Variants in TMEM217B observed in about 807,000 individuals in gnomAD.
TMEM217B encodes transmembrane protein 217B.
At chr6:37,227,715 C>T in the TMEM217B span, among the ~76,000 whole-genome samples, 2 of 152,070 alleles carry the variant, frequency 1.3e-5, no homozygotes, top group Admixed American at 1.3e-4. Flanking sequence ...AAGTGCTGTG[C>T]TGGGATTACA....
the TMEM217B span, chr6:37,215,122 A>T: frequency 2.5e-6 from 4 of 1,577,408 alleles, no homozygotes; most frequent in Non-Finnish European, 3.5e-6. Context: ...CTCTTGGGTC[A>T]CTATAATAAT....
the TMEM217B span, among the ~76,000 whole-genome samples, chr6:37,255,601 T>C: frequency 7.1e-4 from 108 of 152,124 alleles, no homozygotes; most frequent in African/African-American, 2.3e-3. Flanking sequence ...GGAGGATTGC[T>C]TGAGCCCAGG....
chr6:37,246,622 G>T, the TMEM217B span, among the ~76,000 whole-genome samples: 276 of 152,194 alleles, frequency 1.8e-3, no homozygotes, highest in African/African-American at 5.4e-3. Flanking sequence ...CATTTCTCAG[G>T]CTGGGCATGG....
chr6:37,251,425 T>A, the TMEM217B span, among the ~76,000 whole-genome samples: 1 of 152,224 alleles, frequency 6.6e-6, no homozygotes, highest in Non-Finnish European at 1.5e-5. Flanking sequence ...GAATGTTGAA[T>A]GAGCAATGCT....
chr6:37,226,997 A>G, the TMEM217B span, among the ~76,000 whole-genome samples: 4 of 152,244 alleles, frequency 2.6e-5, no homozygotes, highest in African/African-American at 9.6e-5. Flanking sequence ...ATAGCTACCA[A>G]TAAGGTTATT....
At chr6:37,245,376 T>G in the TMEM217B span, among the ~76,000 whole-genome samples, 4 of 152,370 alleles carry the variant, frequency 2.6e-5, no homozygotes, top group South Asian at 8.3e-4. Flanking sequence ...AACTGGGGGT[T>G]GCTGCCATGC....
At chr6:37,249,608 AC>A in the TMEM217B span, among the ~76,000 whole-genome samples, 17 of 152,326 alleles carry the variant, frequency 1.1e-4, no homozygotes, top group South Asian at 3.5e-3. Context: ...GGTGTAAGCC[AC>A]CGCACCCAGT....
chr6:37,228,531 CTG>C, the TMEM217B span, among the ~76,000 whole-genome samples: 1 of 152,210 alleles, frequency 6.6e-6, no homozygotes, highest in Non-Finnish European at 1.5e-5. Flanking sequence ...TGGTGAAACC[CTG>C]TTTCTACTAA....
chr6:37,217,149 C>T, the TMEM217B span, among the ~76,000 whole-genome samples: 1 of 152,164 alleles, frequency 6.6e-6, no homozygotes, highest in Non-Finnish European at 1.5e-5. Context: ...CAAAAATTAG[C>T]CAGGCATGGT....
chr6:37,215,994 G>GGT, the TMEM217B span, among the ~76,000 whole-genome samples: 2,335 of 149,138 alleles, frequency 0.016, 24 homozygotes, highest in African/African-American at 0.023. Flanking sequence ...GGTTCTTCAG[G>GGT]GTGTGTGTGT....
chr6:37,215,154 G>A, the TMEM217B span: 25 of 1,602,034 alleles, frequency 1.6e-5, no homozygotes, highest in South Asian at 5.6e-5. Context: ...CCTTTCTGCC[G>A]CTAGCCAAGG....
At chr6:37,242,033 C>A in the TMEM217B span, among the ~76,000 whole-genome samples, 1 of 139,450 alleles carries the variant, frequency 7.2e-6, no homozygotes, top group African/African-American at 2.7e-5. Context: ...TTTTTGCCTG[C>A]TCTTTCCCTG....
At chr6:37,224,577 GACAGAGC>G in the TMEM217B span, among the ~76,000 whole-genome samples, 1 of 150,886 alleles carries the variant, frequency 6.6e-6, no homozygotes, top group East Asian at 2.0e-4. Flanking sequence ...CAGGCTGGGT[GACAGAGC>G]GAGACTCCTC....
chr6:37,257,805 G>A, the TMEM217B span: 20 of 1,179,902 alleles, frequency 1.7e-5, no homozygotes, highest in Non-Finnish European at 2.4e-5. Flanking sequence ...AGCTGGGAGC[G>A]GGTGACCGGC....
At chr6:37,232,403 T>C in the TMEM217B span, among the ~76,000 whole-genome samples, 2 of 152,240 alleles carry the variant, frequency 1.3e-5, no homozygotes, top group Admixed American at 1.3e-4. Flanking sequence ...TTCTTTTTTT[T>C]GAGACGGAGT....
the TMEM217B span, among the ~76,000 whole-genome samples, chr6:37,231,671 C>CAA: frequency 1.5e-3 from 91 of 60,366 alleles, no homozygotes; most frequent in African/African-American, 5.5e-3. Flanking sequence ...GACTCCATCT[C>CAA]AAAAAAAAAA....
At chr6:37,251,635 A>G in the TMEM217B span, among the ~76,000 whole-genome samples, 1 of 152,246 alleles carries the variant, frequency 6.6e-6, no homozygotes, top group Non-Finnish European at 1.5e-5. Flanking sequence ...GGATACACAC[A>G]TATGTAATAA....
the TMEM217B span, chr6:37,218,008 TCTC>T: frequency 1.0e-6 from 1 of 990,912 alleles, no homozygotes; most frequent in South Asian, 4.6e-5. Flanking sequence ...CTCTTCATGT[TCTC>T]CTGAAAGAGT....
the TMEM217B span, among the ~76,000 whole-genome samples, chr6:37,249,302 ATTCTTC>A: frequency 9.9e-5 from 15 of 151,792 alleles, no homozygotes; most frequent in South Asian, 4.2e-4. Context: ...ATTTCTTTTC[ATTCTTC>A]TTCTTCTTCT....
Sources: gnomAD v4.1 joint callset for allele counts (sites outside exome capture counted in the v4.1 genomes callset) on GRCh38, gnomAD v4.1.1 for gene constraint, MANE v1.5 for transcripts, NCBI Gene and HGNC (gene_info 2026-07-23, HGNC 2026-07-21) for gene names.